SKAP2: variants seen among roughly 807,000 people sequenced by gnomAD.
SKAP2 encodes the protein src kinase associated phosphoprotein 2, also known as src kinase-associated phosphoprotein 2.
A neutral mutation model predicts 54.9 loss-of-function variants in SKAP2; 28 were observed. That is an observed-to-expected ratio of 0.51 (90% CI 0.38 to 0.70). SKAP2 has a LOEUF of 0.70. SKAP2 is among the 30% of genes least tolerant of loss of function. The pLI is 0.00. For missense variants in SKAP2, 356 were observed against 424.1 expected (o/e 0.84, Z 1.41); for synonymous variants, 137 against 134.3 (o/e 1.02, Z -0.14).
chr7:26,732,245 T>A (rs1787837648), intron 6 of SKAP2, among the ~76,000 whole-genome samples: 1 of 152,154 alleles, frequency 6.6e-6, no homozygotes, highest in African/African-American at 2.4e-5. Context: ...CTGGTGGCAA[T>A]GGCACTCACT....
intron 4 of SKAP2, among the ~76,000 whole-genome samples, chr7:26,786,583 T>TAA (rs1783549446): frequency 6.6e-6 from 1 of 151,982 alleles, no homozygotes; most frequent in South Asian, 2.1e-4. Context: ...CCAGGCAGAG[T>TAA]AATAGGGGAC....
intron 9 of SKAP2, among the ~76,000 whole-genome samples, chr7:26,703,415 G>A (rs1296024369): frequency 6.6e-6 from 1 of 152,076 alleles, no homozygotes; most frequent in African/African-American, 2.4e-5. Flanking sequence ...TCAAAATACA[G>A]ATATATGTCA....
intron 1 of SKAP2, among the ~76,000 whole-genome samples, chr7:26,861,024 G>A (rs1490774601): frequency 6.6e-6 from 1 of 151,800 alleles, no homozygotes; most frequent in African/African-American, 2.4e-5. Flanking sequence ...TTTTAACAAT[G>A]GTTTCATTTG....
At chr7:26,707,252 C>T (rs535181896) in intron 9 of SKAP2, among the ~76,000 whole-genome samples, 4 of 151,786 alleles carry the variant, frequency 2.6e-5, no homozygotes, top group African/African-American at 4.8e-5. Flanking sequence ...CCCAGCTATT[C>T]GGTAGGCTTA....
intron 9 of SKAP2, among the ~76,000 whole-genome samples, chr7:26,709,219 G>C (rs1021286669): frequency 2.6e-5 from 4 of 152,108 alleles, no homozygotes; most frequent in African/African-American, 9.7e-5. Flanking sequence ...TGAGAAGTAA[G>C]GTAGTTTCTG....
rs140743381 is a variant in SKAP2 at position 26,756,960 on chromosome 7, T to C, written c.308-16996A>G. On this transcript the variant is annotated intron_variant, in intron 4 of 12. Coordinates refer to ENST00000345317, the MANE Select transcript of SKAP2 (RefSeq NM_003930.5). ...GATGAGCATTTTTTCACGTGTGTGC[T>C]GGCTGCATAAATGTCTTCTTTTGAG... 4.8e-3 allele frequency among the ~76,000 whole-genome samples: 729 copies of C among 152,360 alleles called. 12 individuals are homozygous for C. In the East Asian group the frequency reaches 0.056, roughly 12 times the overall value.
intron 9 of SKAP2, among the ~76,000 whole-genome samples, chr7:26,702,247 C>T (rs1299090672): frequency 1.3e-5 from 2 of 152,110 alleles, no homozygotes; most frequent in Non-Finnish European, 2.9e-5. Context: ...CTCTACCTCC[C>T]AGGCTCATGT....
intron 4 of SKAP2, among the ~76,000 whole-genome samples, chr7:26,805,966 A>C (rs1784016601): frequency 6.6e-6 from 1 of 151,934 alleles, no homozygotes; most frequent in Non-Finnish European, 1.5e-5. Flanking sequence ...TCTCTGTGTC[A>C]CCTTTTGGTA....
At chr7:26,725,371 C>T (rs1562588252) in intron 9 of SKAP2, 57 bp downstream of exon 9, 3 of 1,305,598 alleles carry the variant, frequency 2.3e-6, no homozygotes, top group Middle Eastern at 2.0e-4. Flanking sequence ...CACACACACA[C>T]TCACACACAC....
chr7:26,691,269 A>C (rs1786774052), intron 9 of SKAP2, among the ~76,000 whole-genome samples: 1 of 152,222 alleles, frequency 6.6e-6, no homozygotes, highest in Admixed American at 6.5e-5. Context: ...AAGAGCTTTA[A>C]ATAGACTTAA....
intron 4 of SKAP2, among the ~76,000 whole-genome samples, chr7:26,842,406 C>T (rs1338105484): frequency 1.3e-5 from 2 of 151,206 alleles, no homozygotes; most frequent in African/African-American, 4.8e-5. Flanking sequence ...AATGTAAATG[C>T]ACTATAATTT....
At chr7:26,807,799 A>T (rs1584401703) in intron 4 of SKAP2, among the ~76,000 whole-genome samples, 2 of 152,232 alleles carry the variant, frequency 1.3e-5, no homozygotes, top group Admixed American at 1.3e-4. Context: ...ATTAGTCAGC[A>T]GTGATCCACA....
the SKAP2 span, among the ~76,000 whole-genome samples, chr7:26,655,379 G>A: frequency 6.6e-6 from 1 of 151,228 alleles, no homozygotes; most frequent in Non-Finnish European, 1.5e-5. Context: ...CCATTGTCTT[G>A]TTTTAATGTC....
chr7:26,756,828 C>T (rs1782805100), intron 4 of SKAP2, among the ~76,000 whole-genome samples: 1 of 152,188 alleles, frequency 6.6e-6, no homozygotes, highest in African/African-American at 2.4e-5. Flanking sequence ...TCTCCATATC[C>T]TCTCCAGCAC....
chr7:26,846,502 G>A (rs767502122), intron 3 of SKAP2, among the ~76,000 whole-genome samples: 80 of 151,756 alleles, frequency 5.3e-4, no homozygotes, highest in Middle Eastern at 3.4e-3. Context: ...TATATTCAAC[G>A]AATATGTATA....
chr7:26,793,657 C>T (rs146711815), intron 4 of SKAP2, among the ~76,000 whole-genome samples: 1 of 152,192 alleles, frequency 6.6e-6, no homozygotes, highest in Non-Finnish European at 1.5e-5. Flanking sequence ...GCACCACCAA[C>T]AGGCTGTATG....
At chr7:26,800,003 A>C (rs576034728) in intron 4 of SKAP2, among the ~76,000 whole-genome samples, 2 of 143,206 alleles carry the variant, frequency 1.4e-5, no homozygotes, top group Non-Finnish European at 1.6e-5. Flanking sequence ...GGGTGTCTGT[A>C]GTCCCAGCTA....
intron 4 of SKAP2, among the ~76,000 whole-genome samples, chr7:26,796,940 C>T (rs1273525482): frequency 6.6e-6 from 1 of 152,140 alleles, no homozygotes; most frequent in Non-Finnish European, 1.5e-5. Context: ...ACTCCTTTAC[C>T]ATGAGCAGAG....
intron 4 of SKAP2, among the ~76,000 whole-genome samples, chr7:26,747,116 C>T (rs1368613496): frequency 6.6e-6 from 1 of 151,928 alleles, no homozygotes; most frequent in African/African-American, 2.4e-5. Flanking sequence ...ACTGCCGTAA[C>T]TCTAAAAGAG....
Sources: gnomAD v4.1 joint callset for allele counts (sites outside exome capture counted in the v4.1 genomes callset) on GRCh38, gnomAD v4.1.1 for gene constraint, MANE v1.5 for transcripts, NCBI Gene and HGNC (gene_info 2026-07-23, HGNC 2026-07-21) for gene names.